The following PGBD5 variants were observed in gnomAD, a reference collection of about 807,000 sequenced individuals.
PGBD5 encodes piggyBac transposable element derived 5.
PGBD5 carries 14 observed loss-of-function variants against 47.9 expected under a neutral mutation model. The observed-to-expected ratio is 0.29, with a 90% CI of 0.19 to 0.46. The LOEUF (loss-of-function observed/expected upper bound fraction) is 0.46, where lower values mean the gene tolerates loss of function less well. PGBD5 is among the 20% of genes least tolerant of loss of function. The probability of loss-of-function intolerance (pLI) is 1.00; values close to 1 mark genes in which losing one functional copy is unlikely to be tolerated. For synonymous variants in PGBD5, 316 were observed against 306.3 expected (o/e 1.03, Z -0.33); for missense variants, 635 against 716.0 (o/e 0.89, Z 1.29).
chr1:230,364,294 CT>C (rs1215535062), intron 1 of PGBD5, among the ~76,000 whole-genome samples: 2 of 152,220 alleles, frequency 1.3e-5, no homozygotes, highest in Non-Finnish European at 2.9e-5. Flanking sequence ...CACTGGATGG[CT>C]GTGAGGAGTG....
chr1:230,359,909 C>A lies in PGBD5; in HGVS notation c.332-2588G>T, dbSNP rs545333207. ...ACCATTTTTTGGGCACCAAACAGGT[C>A]TTGGAGGAAGAGGCCCTGGCTGGCA... On this transcript the variant is annotated intron_variant, in intron 1 of 6. Transcript: ENST00000391860. 7.9e-5 allele frequency among the ~76,000 whole-genome samples: 12 copies of A among 152,334 alleles called. 1 individual carries two copies. In the South Asian group the frequency reaches 2.5e-3, roughly 32 times the overall value.
At chr1:230,381,461 TG>T (rs1656489820) in intron 1 of PGBD5, among the ~76,000 whole-genome samples, 2 of 152,220 alleles carry the variant, frequency 1.3e-5, no homozygotes, top group South Asian at 2.1e-4. Context: ...GGGCCGCCAC[TG>T]GATGTCTCAC....
In PGBD5 at chr1:230,337,538, C is replaced by T. The variant is rs145230796; in HGVS notation, c.895-250G>A. On this transcript the variant is annotated intron_variant, in intron 3 of 6. Coordinates refer to ENST00000391860, the MANE Select transcript of PGBD5 (RefSeq NM_001258311.2). ...CAAGGCAGAGGAGGAAAGGAACAAG[C>T]AGCCATGGGTAATGGGATGGTGCAA... Among the ~76,000 whole-genome samples the T allele has an allele frequency of 1.9e-3, 283 of 152,284 alleles. 1 individual carries two copies. Among genetic ancestry groups the T allele is most frequent in the African/African-American group, 6.5e-3 (272 of 41,548 alleles).
At position 230,323,721 on chromosome 1, in the gene PGBD5, G is replaced by A. The variant is rs1048421971; in HGVS notation, c.1380-101C>T. On this transcript the variant is annotated intron_variant, in intron 6 of 6. Coordinates refer to ENST00000391860, the MANE Select transcript of PGBD5 (RefSeq NM_001258311.2). This position sits in a 1 kb window ranked among gnomAD's most constrained non-coding sequence, Gnocchi z 4.1. ...CACCACAGCCCGTGAGACGCTGCAG[G>A]TTCGCCCCCGACAGAAGCAGGAGGG... 2.5e-6 allele frequency: 3 copies of A among 1,186,124 alleles called. No homozygotes were observed. The Admixed American group carries it at 6.5e-5, about 26-fold the overall frequency. The allele number at this position is 1,186,124 out of a possible 1,614,324, so 73.5% of individuals were successfully genotyped here.
intron 3 of PGBD5, among the ~76,000 whole-genome samples, chr1:230,342,846 T>C (rs1440806716): frequency 3.9e-5 from 6 of 152,230 alleles, no homozygotes; most frequent in Admixed American, 2.6e-4. Context: ...TTCAGCCACA[T>C]ATGGCTGTTT....
At chr1:230,356,690 G>A (rs1318384443) in intron 2 of PGBD5, among the ~76,000 whole-genome samples, 2 of 152,208 alleles carry the variant, frequency 1.3e-5, no homozygotes, top group African/African-American at 2.4e-5. Flanking sequence ...CTTGTCTGAA[G>A]GCTGGAGCTA....
intron 1 of PGBD5, among the ~76,000 whole-genome samples, chr1:230,420,664 G>T (rs1433966991): frequency 1.3e-5 from 2 of 152,130 alleles, no homozygotes; most frequent in African/African-American, 4.8e-5. Flanking sequence ...GATGTGACTT[G>T]CTCCTTCTTG....
chr1:230,360,769 C>T lies in PGBD5; in HGVS notation c.332-3448G>A, dbSNP rs146581558. On this transcript the variant is annotated intron_variant, in intron 1 of 6. Transcript: ENST00000391860. ...GTATTTCTTCATAGCAGCATGAGAA[C>T]GGACTAATACAGTTAGTCCTTATCA... Among the ~76,000 whole-genome samples the T allele has an allele frequency of 3.8e-3, 585 of 152,272 alleles. 4 individuals carry two copies. Among genetic ancestry groups the T allele is most frequent in the African/African-American group, 0.014 (564 of 41,558 alleles).
At chr1:230,394,552 C>T (rs1385383565) in intron 1 of PGBD5, among the ~76,000 whole-genome samples, 1 of 146,492 alleles carries the variant, frequency 6.8e-6, no homozygotes, top group African/African-American at 2.6e-5. Flanking sequence ...TAACCCCAAG[C>T]TCCATTCATT....
intron 1 of PGBD5, among the ~76,000 whole-genome samples, chr1:230,383,883 A>G (rs1656572311): frequency 6.6e-6 from 1 of 152,256 alleles, no homozygotes; most frequent in Non-Finnish European, 1.5e-5. Context: ...GTGGGTGGGC[A>G]GGGTGAGTAG....
chr1:230,325,732 T>C (rs1667105903), intron 5 of PGBD5, among the ~76,000 whole-genome samples: 2 of 152,032 alleles, frequency 1.3e-5, no homozygotes, highest in Admixed American at 1.3e-4. Flanking sequence ...GGGTGCTGCA[T>C]CCGACTGGGC....
chr1:230,368,440 TAAAAGA>T (rs1297163493), intron 1 of PGBD5, among the ~76,000 whole-genome samples: 1 of 152,164 alleles, frequency 6.6e-6, no homozygotes, highest in East Asian at 1.9e-4. Context: ...AGGGAGGGGT[TAAAAGA>T]AAAAGTGTGT....
At chr1:230,400,104 C>T (rs1388007446) in intron 1 of PGBD5, among the ~76,000 whole-genome samples, 1 of 152,242 alleles carries the variant, frequency 6.6e-6, no homozygotes, top group Non-Finnish European at 1.5e-5. Context: ...TGTGCCCCGC[C>T]TCCACCCTGC....
At position 230,320,473 on chromosome 1, in the gene PGBD5, C is replaced by T. The variant is rs1667018195; in HGVS notation, c.*2952G>A. ...AGCTCATTGCTCCATCTTTTTTTTC[C>T]AGAGCCTGCAGCAGAGACATCCCTC... On this transcript the variant is annotated 3_prime_UTR_variant, in exon 7 of 7. Transcript: ENST00000391860. The T allele has an allele frequency of 6.6e-6, 1 of 151,882 alleles. No individual in the cohort carries two copies. The highest frequency in any genetic ancestry group is 1.5e-5 in the Non-Finnish European group (1 of 67,984). 9.4% of individuals were successfully genotyped at this position (151,882 alleles called of 1,614,324 possible).
At chr1:230,424,778 G>A (rs562766298) in intron 1 of PGBD5, among the ~76,000 whole-genome samples, 24 of 152,342 alleles carry the variant, frequency 1.6e-4, no homozygotes, top group Middle Eastern at 3.4e-3. Flanking sequence ...AGCTTTCAAA[G>A]AAGGCAGAGG....
At chr1:230,381,228 A>G (rs1036941478) in intron 1 of PGBD5, among the ~76,000 whole-genome samples, 2 of 152,244 alleles carry the variant, frequency 1.3e-5, no homozygotes, top group African/African-American at 4.8e-5. Context: ...CTCCAAGCCC[A>G]GAGCACTTCC....
At chr1:230,368,577 G>A (rs2820374) in intron 1 of PGBD5, among the ~76,000 whole-genome samples, 96,599 of 152,242 alleles carry the variant, frequency 0.63, 31,955 homozygotes, top group Non-Finnish European at 0.74. Context: ...TGACGCAGGG[G>A]GATGATGACT....
At position 230,357,061 on chromosome 1, in the gene PGBD5, T is replaced by C. The variant is rs765413971; in HGVS notation, c.592A>G (p.Ser198Gly). The change falls in exon 2 of 7, where the codon AGC becomes GGC. Residue 198 changes from serine (S) to glycine (G), a missense_variant. Transcript: ENST00000391860. The surrounding 1 kb of genome is among the most constrained non-coding windows in gnomAD (Gnocchi z 5.7). ...GCCTGGCTCATGACGAGGGCGAGGC[T>C]GCGGTTGCTGTAGAAGCCTCCGCTC... ...IWSGGFYSNR[S>G]LALVMSQARF... The C allele has an allele frequency of 6.2e-7, 1 of 1,614,154 alleles. No individual in the cohort carries two copies. Among genetic ancestry groups the C allele is most frequent in the Non-Finnish European group, 8.5e-7 (1 of 1,180,016 alleles).
chr1:230,370,299 C>T (rs950240634), intron 1 of PGBD5, among the ~76,000 whole-genome samples: 2 of 152,196 alleles, frequency 1.3e-5, no homozygotes, highest in African/African-American at 2.4e-5. Context: ...GAAAGGTCAG[C>T]GCTGCGGTTC....
Sources: allele counts gnomAD v4.1 joint callset (sites outside exome capture counted in the v4.1 genomes callset), GRCh38; gene constraint gnomAD v4.1.1; non-coding constraint Gnocchi (gnomAD v3.1); transcripts MANE v1.5; gene names NCBI Gene and HGNC (gene_info 2026-07-23, HGNC 2026-07-21).